Variants in WASF3 observed in about 807,000 individuals in gnomAD.
WASF3 encodes actin-binding protein WASF3.
Under a neutral mutation model 46.6 loss-of-function variants are expected in WASF3, and 11 were observed. That is an observed-to-expected ratio of 0.24 (90% CI 0.15 to 0.39). The LOEUF (loss-of-function observed/expected upper bound fraction) is 0.39. WASF3 is among the 10% of genes least tolerant of loss of function. The probability of loss-of-function intolerance (pLI) is 1.00; values close to 1 mark genes in which losing one functional copy is unlikely to be tolerated. For synonymous variants in WASF3, 242 were observed against 259.7 expected (o/e 0.93, Z 0.65); for missense variants, 576 against 669.8 (o/e 0.86, Z 1.55).
chr13:26,652,050 G>T, intron 3 of WASF3, among the ~76,000 whole-genome samples: 1 of 152,184 alleles, frequency 6.6e-6, no homozygotes, highest in Non-Finnish European at 1.5e-5. Context: ...TCAGATGATA[G>T]ATTGAATCCT....
At position 26,684,945 on chromosome 13, in the gene WASF3, G is replaced by A. The variant is rs537593304; in HGVS notation, c.1352-743G>A. On this transcript the variant is annotated intron_variant, in intron 9 of 9. Transcript: ENST00000335327. ...AAAAAAGAAAATACAAAATTTAACC[G>A]TGCATGGTGGCGTGCGCCGGTGGTT... Among the ~76,000 whole-genome samples, 8 of 152,212 alleles carry A rather than the reference G, an allele frequency of 5.3e-5. No individual in the cohort carries two copies. The East Asian group carries it at 7.7e-4, about 15-fold the overall frequency.
At chr13:26,605,616 G>A (rs1880770327) in intron 1 of WASF3, among the ~76,000 whole-genome samples, 1 of 152,198 alleles carries the variant, frequency 6.6e-6, no homozygotes, top group African/African-American at 2.4e-5. Flanking sequence ...TTGTCACAGT[G>A]AAGAATGGAA....
At chr13:26,573,636 T>C (rs1465639367) in intron 1 of WASF3, among the ~76,000 whole-genome samples, 1 of 152,198 alleles carries the variant, frequency 6.6e-6, no homozygotes, top group Non-Finnish European at 1.5e-5. Flanking sequence ...GGCTTTTTTG[T>C]TCTTAATTTC....
chr13:26,677,726 C>T (rs1389817398), intron 7 of WASF3, among the ~76,000 whole-genome samples: 1 of 152,202 alleles, frequency 6.6e-6, no homozygotes, highest in Non-Finnish European at 1.5e-5. Context: ...GTTTTAGCCT[C>T]ATTTGAATTT....
chr13:26,670,346 G>T (rs550186332), intron 5 of WASF3, among the ~76,000 whole-genome samples: 30 of 152,050 alleles, frequency 2.0e-4, no homozygotes, highest in African/African-American at 7.0e-4. Context: ...GGGCCTGTTG[G>T]GGGGTGAGGG....
rs527652605 is a variant in WASF3, at chr13:26,679,127, A to T, written c.717-1927A>T. ...TGGCCCTCCCAGTCCTCTCTTCTGTAATAGGTGATCACTGACCATCATGAG... is the reference window on the plus strand; with the variant it reads ...TGGCCCTCCCAGTCCTCTCTTCTGTTATAGGTGATCACTGACCATCATGAG... On this transcript the variant is annotated intron_variant, in intron 7 of 9. Coordinates refer to ENST00000335327, the MANE Select transcript of WASF3 (RefSeq NM_006646.6). The surrounding 1 kb of genome is among the most constrained non-coding windows in gnomAD (Gnocchi z 4.8). Among the ~76,000 whole-genome samples, 2 of 152,014 alleles carry T rather than the reference A, an allele frequency of 1.3e-5. No homozygotes were observed. Among genetic ancestry groups the T allele is most frequent in the South Asian group, 2.1e-4 (1 of 4,802 alleles).
intron 1 of WASF3, among the ~76,000 whole-genome samples, chr13:26,559,246 C>A (rs1879203482): frequency 6.6e-6 from 1 of 152,186 alleles, no homozygotes; most frequent in Non-Finnish European, 1.5e-5. Context: ...TTCACAAAAG[C>A]TGTGTCTTTT....
intron 3 of WASF3, among the ~76,000 whole-genome samples, chr13:26,643,099 T>C (rs543478664): frequency 3.3e-4 from 50 of 152,342 alleles, no homozygotes; most frequent in Non-Finnish European, 6.6e-4. Flanking sequence ...TTTATAAGAC[T>C]CAAATATGCA....
At chr13:26,547,043 A>G in the WASF3 span, among the ~76,000 whole-genome samples, 1 of 152,030 alleles carries the variant, frequency 6.6e-6, no homozygotes, top group South Asian at 2.1e-4. Flanking sequence ...TCCAGGGGCC[A>G]TTACTTCTTC....
At chr13:26,550,894 A>T in the WASF3 span, among the ~76,000 whole-genome samples, 1 of 152,064 alleles carries the variant, frequency 6.6e-6, no homozygotes, top group Non-Finnish European at 1.5e-5. Flanking sequence ...GTCACTGGGG[A>T]CACCTTCAAT....
At chr13:26,654,562 C>T (rs1244891436) in intron 3 of WASF3, among the ~76,000 whole-genome samples, 1 of 152,208 alleles carries the variant, frequency 6.6e-6, no homozygotes, top group Non-Finnish European at 1.5e-5. Flanking sequence ...AGGCCTGATA[C>T]ACAGTCGATG....
the WASF3 span, among the ~76,000 whole-genome samples, chr13:26,547,926 T>C: frequency 6.6e-6 from 1 of 152,214 alleles, no homozygotes; most frequent in Admixed American, 6.5e-5. Context: ...TAGGTAGATT[T>C]TGACTGAGTC....
chr13:26,604,651 A>G (rs1880739750), intron 1 of WASF3, among the ~76,000 whole-genome samples: 1 of 152,254 alleles, frequency 6.6e-6, no homozygotes, highest in Admixed American at 6.5e-5. Flanking sequence ...CTCATTCTAC[A>G]TTCTGAAATA....
At chr13:26,612,321 T>C (rs1041779653) in intron 1 of WASF3, among the ~76,000 whole-genome samples, 1 of 152,172 alleles carries the variant, frequency 6.6e-6, no homozygotes. Flanking sequence ...TAATTCTGAG[T>C]AGGAAACCAT....
chr13:26,553,568 A>G (rs990564780), upstream of WASF3, among the ~76,000 whole-genome samples: 1 of 152,118 alleles, frequency 6.6e-6, no homozygotes, highest in Admixed American at 6.5e-5. Context: ...CTGTAATCCT[A>G]GCACTTTGGG....
rs1883436675 is a variant in WASF3 at position 26,687,285 on chromosome 13, T to C, written c.*1440T>C. ...CCTACTCAACAGTATTTCATATCCA[T>C]TGTGGTTAGTTACTCAGTTATGTTG... On this transcript the variant is annotated 3_prime_UTR_variant, in exon 10 of 10. Transcript: ENST00000335327. The C allele has an allele frequency of 1.3e-5, 2 of 152,328 alleles. No individual in the cohort carries two copies. Among genetic ancestry groups the C allele is most frequent in the South Asian group, 4.1e-4 (2 of 4,830 alleles). 9.4% of individuals were successfully genotyped at this position (152,328 alleles called of 1,614,324 possible). A position where few individuals can be genotyped will look rare whatever the true frequency, so the allele number is the denominator to read the frequency against.
chr13:26,562,432 G>A (rs1879321558), intron 1 of WASF3, among the ~76,000 whole-genome samples: 1 of 152,150 alleles, frequency 6.6e-6, no homozygotes, highest in Non-Finnish European at 1.5e-5. Flanking sequence ...TTAATAGTGA[G>A]TGAGAGTGAG....
chr13:26,641,986 C>A, intron 2 of WASF3: 1 of 184,404 alleles, frequency 5.4e-6, no homozygotes. Flanking sequence ...GACTTTTTGC[C>A]TTTCCTCTCT....
intron 1 of WASF3, chr13:26,606,636 T>C (rs1880808432): frequency 6.6e-6 from 1 of 151,930 alleles, no homozygotes; most frequent in Admixed American, 6.6e-5. Flanking sequence ...GGATTACAGG[T>C]GTGAGCCACT....
Sources: allele counts gnomAD v4.1 joint callset (sites outside exome capture counted in the v4.1 genomes callset), GRCh38; gene constraint gnomAD v4.1.1; non-coding constraint Gnocchi (gnomAD v3.1); transcripts MANE v1.5; gene names NCBI Gene and HGNC (gene_info 2026-07-23, HGNC 2026-07-21).